LARP1: variants seen among roughly 807,000 people sequenced by gnomAD.
The protein encoded by LARP1 is La ribonucleoprotein 1, translational regulator.
Under a neutral mutation model 122.7 loss-of-function variants are expected in LARP1, and 36 were observed. That is an observed-to-expected ratio of 0.29 (90% CI 0.22 to 0.39). The LOEUF (loss-of-function observed/expected upper bound fraction) is 0.39, where lower values mean the gene tolerates loss of function less well. Ranked by LOEUF, LARP1 falls within the 10% of genes least tolerant of loss-of-function variation. LARP1 has a pLI of 1.00. For missense variants in LARP1, 1,040 were observed against 1,403.6 expected, an observed-to-expected ratio of 0.74 and a Z score of 4.14; for synonymous variants, 539 against 528.7, an observed-to-expected ratio of 1.02 and a Z score of -0.27.
At chr5:154,717,731 C>T (rs1755596478) in intron 1 of LARP1, among the ~76,000 whole-genome samples, 1 of 152,172 alleles carries the variant, frequency 6.6e-6, no homozygotes, top group Non-Finnish European at 1.5e-5. Context: ...TGCCTCCACT[C>T]ATCTGTTCCA....
chr5:154,756,422 C>T, intron 1 of LARP1: 2 of 994,998 alleles, frequency 2.0e-6, no homozygotes, highest in African/African-American at 1.7e-5. Flanking sequence ...CGGCCACCGC[C>T]TGGGCCGCAG....
At position 154,756,201 on chromosome 5, in the gene LARP1, TCCCTCCTTG is replaced by T; in HGVS notation, c.436+16_436+24del. The stretch of plus-strand genomic sequence containing the variant: ...ACGGACAGTCCCCCCCAGGTGGGTC[TCCCTCCTTG>T]CCCTCCTGGGTCCGGGGGCCTCTTC... On this transcript the variant is annotated intron_variant, in intron 1 of 18. Coordinates refer to ENST00000518297, the MANE Select transcript of LARP1 (RefSeq NM_033551.3). 8.0e-7 allele frequency: 1 copy of T among 1,247,740 alleles called. No individual in the cohort carries two copies. The highest frequency in any genetic ancestry group is 1.0e-6 in the Non-Finnish European group (1 of 964,254). The allele number at this position is 1,247,740 out of a possible 1,614,324, so 77.3% of individuals were successfully genotyped here.
At chr5:154,755,262 G>A (rs1455778610), upstream of LARP1, among the ~76,000 whole-genome samples, 1 of 134,908 alleles carries the variant, frequency 7.4e-6, no homozygotes, top group South Asian at 2.4e-4. Context: ...GGCCAGCGGC[G>A]CGCCCCCGCT....
At chr5:154,732,472 G>A (rs1028768715) in intron 1 of LARP1, among the ~76,000 whole-genome samples, 1 of 152,156 alleles carries the variant, frequency 6.6e-6, no homozygotes, top group African/African-American at 2.4e-5. Context: ...AGTACTACAG[G>A]GGGAAAGATT....
chr5:154,710,254 A>C (rs1463020262), upstream of LARP1, among the ~76,000 whole-genome samples: 3 of 152,184 alleles, frequency 2.0e-5, no homozygotes, highest in African/African-American at 7.2e-5. Context: ...CTAGACCTGA[A>C]AACAGTAAAC....
chr5:154,688,392 G>C (rs181480746), intron 1 of LARP1, among the ~76,000 whole-genome samples: 3 of 152,018 alleles, frequency 2.0e-5, no homozygotes, highest in African/African-American at 7.2e-5. Context: ...AGGCGAGGTG[G>C]GTCAAGCCTG....
At position 154,689,192 on chromosome 5, in the gene LARP1, G is replaced by A. The variant is rs937648775; in HGVS notation, c.-180+6155G>A. 5.9e-5 allele frequency among the ~76,000 whole-genome samples: 9 copies of A among 151,682 alleles called. No individual in the cohort carries two copies. The South Asian group carries it at 1.0e-3, about 17-fold the overall frequency. Reference sequence around the variant, plus strand: ...AAATTGGCTGGGTGCGGTGGCTCACGCCTGTAATCCCAGCACTCTGGGAGG... The same window carrying A: ...AAATTGGCTGGGTGCGGTGGCTCACACCTGTAATCCCAGCACTCTGGGAGG... On this transcript the variant is annotated intron_variant, in intron 1 of 18. Transcript: ENST00000687700.
At chr5:154,707,275 A>G (rs895670894) in intron 1 of LARP1, among the ~76,000 whole-genome samples, 1 of 152,196 alleles carries the variant, frequency 6.6e-6, no homozygotes, top group Non-Finnish European at 1.5e-5. Flanking sequence ...AATAAATAAA[A>G]TATCATTAAG....
At chr5:154,768,782 A>G (rs1451511856) in intron 1 of LARP1, among the ~76,000 whole-genome samples, 2 of 152,120 alleles carry the variant, frequency 1.3e-5, no homozygotes, top group South Asian at 2.1e-4. Flanking sequence ...GGGTTTCACT[A>G]TGTTGGCCAG....
chr5:154,793,845 C>G lies in LARP1; in HGVS notation c.914C>G (p.Ala305Gly). The change falls in exon 6 of 19, where the codon GCC becomes GGC. Residue 305 changes from alanine to glycine, a missense_variant. Physicochemically the swap from Ala to Gly is moderately conservative, Grantham distance 60. Around this residue, in one of 8 missense-constraint regions of LARP1, gnomAD observed 178 missense variants for 178.3 expected, o/e 1.00. Transcript: ENST00000518297. ...TYVPVAPPTP[A>G]WQPEIKPEPA... ...GTGCCCGTGGCCCCCCCCACCCCAG[C>G]CTGGCAACCAGAGATCAAACCGGAG... is the stretch of plus-strand genomic sequence containing the variant. The G allele has an allele frequency of 6.2e-7, 1 of 1,614,186 alleles. No homozygotes were observed. Among genetic ancestry groups the G allele is most frequent in the Admixed American group, 1.7e-5 (1 of 60,036 alleles).
At chr5:154,724,048 C>T (rs1043614093) in intron 1 of LARP1, among the ~76,000 whole-genome samples, 1 of 152,220 alleles carries the variant, frequency 6.6e-6, no homozygotes, top group Non-Finnish European at 1.5e-5. Flanking sequence ...TGAATCCTGC[C>T]AGAGGCAACC....
chr5:154,706,428 C>T (rs911861293), intron 1 of LARP1, among the ~76,000 whole-genome samples: 1 of 151,870 alleles, frequency 6.6e-6, no homozygotes, highest in Non-Finnish European at 1.5e-5. Context: ...AGCTGGAGGT[C>T]ATTATCCTAA....
chr5:154,725,374 G>C (rs930988207), intron 1 of LARP1, among the ~76,000 whole-genome samples: 59 of 145,716 alleles, frequency 4.0e-4, no homozygotes, highest in Non-Finnish European at 1.9e-4. Context: ...GGGTGACAGA[G>C]TGGGACTCTG....
chr5:154,700,947 CAG>C (rs1482248906), intron 1 of LARP1, among the ~76,000 whole-genome samples: 1 of 151,514 alleles, frequency 6.6e-6, no homozygotes, highest in Non-Finnish European at 1.5e-5. Context: ...GCCTGGGTGT[CAG>C]AGAGAGACTC....
At chr5:154,720,678 C>T (rs183780127) in intron 1 of LARP1, among the ~76,000 whole-genome samples, 219 of 151,844 alleles carry the variant, frequency 1.4e-3, no homozygotes, top group African/African-American at 5.1e-3. Flanking sequence ...TGCCACTGCA[C>T]TCCAGCCTGG....
Position 154,684,053 on chromosome 5 carries a change from T to C in LARP1, c.-180+1016T>C, listed in dbSNP as rs139976031. ...ATTGGAAACCTGGCTTATGAGACAC[T>C]GTTGCATAAGGGCTACAAAGGCAAT... On this transcript the variant is annotated intron_variant, in intron 1 of 18. Coordinates refer to the LARP1 transcript ENST00000687700. 2.2e-4 allele frequency among the ~76,000 whole-genome samples: 34 copies of C among 152,334 alleles called. No individual in the cohort carries two copies. In the East Asian group the frequency reaches 5.4e-3, roughly 24 times the overall value.
At chr5:154,700,598 G>T (rs1045210935) in intron 1 of LARP1, among the ~76,000 whole-genome samples, 3 of 152,046 alleles carry the variant, frequency 2.0e-5, no homozygotes, top group African/African-American at 7.2e-5. Flanking sequence ...TGTTGTTGTG[G>T]TTTGAGACAG....
At chr5:154,712,935 A>C in exon 1 of LARP1, 1 of 1,614,076 alleles carries the variant, frequency 6.2e-7, no homozygotes, top group Non-Finnish European at 8.5e-7. Context: ...CATGCTTTGG[A>C]GGGTGCTTTT....
chr5:154,778,215 G>A (rs1361755066), intron 1 of LARP1, among the ~76,000 whole-genome samples: 3 of 149,318 alleles, frequency 2.0e-5, no homozygotes, highest in African/African-American at 5.0e-5. Context: ...AGCCGAGATC[G>A]CGCTGCTGCA....
Sources: gnomAD v4.1 joint callset for allele counts (sites outside exome capture counted in the v4.1 genomes callset) on GRCh38, gnomAD v4.1.1 for gene constraint, gnomAD v4.1.1 regional missense constraint, MANE v1.5 for transcripts, NCBI Gene and HGNC (gene_info 2026-07-23, HGNC 2026-07-21) for gene names.